Variants in DDX27 observed in about 807,000 individuals in gnomAD.
The protein encoded by DDX27 is probable ATP-dependent RNA helicase DDX27.
DDX27 carries 42 observed loss-of-function variants against 99.3 expected under a neutral mutation model. The ratio of observed to expected loss-of-function variants is 0.42; its 90% CI spans 0.33 to 0.55. DDX27 has a LOEUF of 0.55. Among genes scored for constraint, DDX27 ranks in the 20% least tolerant of loss-of-function variants. The probability of loss-of-function intolerance (pLI) is 0.07; values close to 1 mark genes in which losing one functional copy is unlikely to be tolerated. For synonymous variants in DDX27, 329 were observed against 353.8 expected, an observed-to-expected ratio of 0.93 and a Z score of 0.79; for missense variants, 798 against 976.8, an observed-to-expected ratio of 0.82 and a Z score of 2.44.
intron 18 of DDX27, 71 bp from the exon 19 acceptor site, chr20:49,242,523 C>A: frequency 6.9e-7 from 1 of 1,452,388 alleles, no homozygotes; most frequent in South Asian, 1.2e-5. Flanking sequence ...GGAATCATTA[C>A]CTTGAACTTA....
chr20:49,236,640 G>A lies in DDX27; in HGVS notation c.1687+130G>A, dbSNP rs1443632673. On this transcript the variant is annotated intron_variant, in intron 14 of 20. Transcript: ENST00000618172. This position sits in a 1 kb window ranked among gnomAD's most constrained non-coding sequence, Gnocchi z 4.1. Reference sequence around the variant, plus strand: ...ATTCCAGCCCTGCTGCTTCCTTGCCGAGTGACCATGTGCAGGTTTCACCTC... The same window carrying A: ...ATTCCAGCCCTGCTGCTTCCTTGCCAAGTGACCATGTGCAGGTTTCACCTC... The A allele has an allele frequency of 1.2e-5, 11 of 918,902 alleles. No individual in the cohort carries two copies. In the East Asian group the frequency reaches 1.6e-4, roughly 13 times the overall value. The allele number at this position is 918,902 out of a possible 1,614,324, so 56.9% of individuals were successfully genotyped here.
intron 9 of DDX27, chr20:49,232,801 G>C (rs1980165251): frequency 5.8e-6 from 1 of 172,766 alleles, no homozygotes; most frequent in Non-Finnish European, 1.2e-5. Flanking sequence ...TTAAGTGGGT[G>C]TGGTGGTGCA....
rs1182410613 is a variant in DDX27, at chr20:49,243,990, CTAAGCA to C, written c.*158_*163del. The C allele has an allele frequency of 2.6e-6, 2 of 767,466 alleles. No homozygotes were observed. The highest frequency in any genetic ancestry group is 1.8e-5 in the African/African-American group (1 of 56,676). 47.5% of individuals were successfully genotyped at this position (767,466 alleles called of 1,614,324 possible). On this transcript the variant is annotated 3_prime_UTR_variant, in exon 21 of 21. Transcript: ENST00000618172. The stretch of plus-strand genomic sequence containing the variant: ...GGTGGTATGGTACGTAGCTATTTTC[CTAAGCA>C]TGTCTGTCAATCTCCCTTCTTGCTG...
intron 3 of DDX27, 88 bp downstream of exon 3, chr20:49,223,104 A>G: frequency 1.4e-6 from 2 of 1,448,252 alleles, no homozygotes; most frequent in Non-Finnish European, 1.9e-6. Flanking sequence ...GCCCTTATAG[A>G]GCGGGGCATG....
rs760401181 is a variant in DDX27, at chr20:49,241,971, A to C, written c.1976A>C (p.Lys659Thr). The C allele has an allele frequency of 6.2e-7, 1 of 1,613,546 alleles. No homozygotes were observed. Among genetic ancestry groups the C allele is most frequent in the Non-Finnish European group, 8.5e-7 (1 of 1,179,902 alleles). ...AAGAAGTTTATGAAGGATGCCAAAA[A>C]AAAGGGGGAGATGACAGTGAGTGGC... ...KRKKFMKDAK[K>T]KGEMTAEERS... The change falls in exon 17 of 21, where the codon AAA becomes ACA. Residue 659 changes from lysine to threonine, a missense_variant. Coordinates refer to ENST00000618172, the MANE Select transcript of DDX27 (RefSeq NM_017895.8).
chr20:49,234,739 CT>C lies in DDX27; in HGVS notation c.1274-195del, dbSNP rs573053791. On this transcript the variant is annotated intron_variant, in intron 11 of 20. Transcript: ENST00000618172. The stretch of plus-strand genomic sequence containing the variant: ...TAGCTGCTTCCCCCTCGTCCCTGCA[CT>C]CTCTCTCACAGCATTTTTCACCCCC... The C allele has an allele frequency of 7.3e-6, 4 of 549,560 alleles. No homozygotes were observed. The East Asian group carries it at 1.3e-4, about 18-fold the overall frequency. The allele number at this position is 549,560 out of a possible 1,614,324, so 34.0% of individuals were successfully genotyped here.
intron 1 of DDX27, among the ~76,000 whole-genome samples, chr20:49,220,905 C>G (rs1600960609): frequency 6.6e-6 from 1 of 152,258 alleles, no homozygotes; most frequent in African/African-American, 2.4e-5. Flanking sequence ...CTTGTCCTTT[C>G]CACCTTGACT....
rs147743856 is a variant in DDX27, at chr20:49,229,544, C to T, written c.881-655C>T. ...AGTGTTATCTAGCCTGCATTTTGCC[C>T]TCCTTGTGCTATTGGAAGTCAGAAG... On this transcript the variant is annotated intron_variant, in intron 8 of 20. Transcript: ENST00000618172. Among the ~76,000 whole-genome samples the T allele has an allele frequency of 4.6e-5, 7 of 152,146 alleles. No individual in the cohort carries two copies. The East Asian group carries it at 1.4e-3, about 29-fold the overall frequency.
At chr20:49,224,502 A>G (rs1979806345) in intron 4 of DDX27, among the ~76,000 whole-genome samples, 1 of 151,854 alleles carries the variant, frequency 6.6e-6, no homozygotes, top group African/African-American at 2.4e-5. Context: ...AGCTGGGACT[A>G]CAGGCACACG....
intron 16 of DDX27, among the ~76,000 whole-genome samples, chr20:49,241,101 G>A (rs999718516): frequency 6.6e-5 from 10 of 152,188 alleles, no homozygotes; most frequent in African/African-American, 2.4e-4. Flanking sequence ...TTGCACATAT[G>A]CCCTTTTACA....
At position 49,235,071 on chromosome 20, in the gene DDX27, G is replaced by A. The variant is rs1984031610; in HGVS notation, c.1410G>A (p.Gln470=). 1 of 1,607,592 alleles carries A rather than the reference G, an allele frequency of 6.2e-7. No homozygotes were observed. Among genetic ancestry groups the A allele is most frequent in the Non-Finnish European group, 8.5e-7 (1 of 1,176,594 alleles). Residue 470 remains glutamine, a synonymous_variant, in exon 12 of 21, where the codon CAG becomes CAA. Coordinates refer to ENST00000618172, the MANE Select transcript of DDX27 (RefSeq NM_017895.8). ...TCCATGGCAACTTGTCACAGACGCA[G>A]CGGCTGGAGGCCCTCCGGTAACATT... ...GELHGNLSQT[Q]RLEALRRFKD...
At position 49,226,387 on chromosome 20, in the gene DDX27, T is replaced by C. The variant is rs138708775; in HGVS notation, c.601-43T>C. The C allele has an allele frequency of 1.1e-3, 1,628 of 1,529,088 alleles. 16 individuals carry two copies. The East Asian group carries it at 0.018, about 17-fold the overall frequency. The allele number at this position is 1,529,088 out of a possible 1,614,324, so 94.7% of individuals were successfully genotyped here. A position where few individuals can be genotyped will look rare whatever the true frequency, so the allele number is the denominator to read the frequency against. On this transcript the variant is annotated intron_variant, in intron 6 of 20. Transcript: ENST00000618172. ...TGCCCTGTTTGTGTTGTGCTGAGAC[T>C]TCCCCCGCTCAACCCTGTCTGACCC...
intron 11 of DDX27, chr20:49,234,618 G>C: frequency 4.7e-6 from 1 of 213,488 alleles, no homozygotes; most frequent in Non-Finnish European, 9.2e-6. Context: ...CTTCATGTTT[G>C]CCATTTCCTC....
chr20:49,220,108 C>G (rs1979587721), intron 1 of DDX27, among the ~76,000 whole-genome samples: 1 of 152,184 alleles, frequency 6.6e-6, no homozygotes, highest in Admixed American at 6.5e-5. Context: ...GTTGTCCCCT[C>G]TGCACTCTCA....
intron 1 of DDX27, among the ~76,000 whole-genome samples, chr20:49,221,058 T>C (rs929073153): frequency 6.6e-6 from 1 of 152,018 alleles, no homozygotes; most frequent in African/African-American, 2.4e-5. Context: ...CCCTCCCGGG[T>C]TCAGGCAATC....
intron 9 of DDX27, among the ~76,000 whole-genome samples, chr20:49,232,491 C>T (rs1156874264): frequency 2.0e-5 from 3 of 151,090 alleles, no homozygotes; most frequent in South Asian, 2.1e-4. Context: ...TAGCCGGGTG[C>T]GGTGGCTCAC....
chr20:49,240,662 C>T (rs982217384), intron 16 of DDX27, among the ~76,000 whole-genome samples: 2 of 151,980 alleles, frequency 1.3e-5, no homozygotes, highest in African/African-American at 2.4e-5. Flanking sequence ...CTCCTGACCT[C>T]GTGATCCGCC....
chr20:49,221,745 CA>C, intron 2 of DDX27, 147 bp downstream of exon 2: 1 of 573,360 alleles, frequency 1.7e-6, no homozygotes, highest in South Asian at 3.9e-5. Context: ...TAAAAAAAAA[CA>C]AAAGAAAATA....
At chr20:49,226,175 A>G (rs1002652448) in intron 6 of DDX27, among the ~76,000 whole-genome samples, 1 of 151,982 alleles carries the variant, frequency 6.6e-6, no homozygotes. Context: ...TCCATATGAC[A>G]TGTGTTTGTT....
Sources: gnomAD v4.1 joint callset for allele counts (sites outside exome capture counted in the v4.1 genomes callset) on GRCh38, gnomAD v4.1.1 for gene constraint, Gnocchi (gnomAD v3.1) non-coding constraint, MANE v1.5 for transcripts, NCBI Gene and HGNC (gene_info 2026-07-23, HGNC 2026-07-21) for gene names.